Variants in DNAH11 observed in about 807,000 individuals in gnomAD.
DNAH11 encodes the protein dynein axonemal heavy chain 11.
In DNAH11, 442 loss-of-function variants were observed where a neutral mutation model predicts 526.0. The observed-to-expected ratio is 0.84, with a 90% CI of 0.78 to 0.91. DNAH11 has a LOEUF of 0.91. DNAH11 is among the 40% of genes least tolerant of loss of function. DNAH11 has a pLI of 0.00. For synonymous variants in DNAH11, 2,461 were observed against 1,935.9 expected (o/e 1.27, Z -7.12); for missense variants, 6,989 against 5,448.7 (o/e 1.28, Z -8.90).
At chr7:21,652,840 G>C (rs1218726495) in intron 28 of DNAH11, among the ~76,000 whole-genome samples, 1 of 151,962 alleles carries the variant, frequency 6.6e-6, no homozygotes, top group Non-Finnish European at 1.5e-5. Flanking sequence ...TATCAAAAGA[G>C]GGGCCTACGA....
intron 2 of DNAH11, among the ~76,000 whole-genome samples, chr7:21,546,328 T>A (rs1276674605): frequency 6.6e-6 from 1 of 152,226 alleles, no homozygotes; most frequent in Non-Finnish European, 1.5e-5. Context: ...CTTTAGCTGA[T>A]TTCAGGGAGG....
intron 1 of DNAH11, 126 bp downstream of exon 1, chr7:21,543,722 TC>T: frequency 9.6e-7 from 1 of 1,039,980 alleles, no homozygotes; most frequent in Non-Finnish European, 1.4e-6. Context: ...TGGCTTGAAG[TC>T]CCCATCCTGA....
At chr7:21,816,727 C>A (rs1472973608) in intron 64 of DNAH11, 25 bp downstream of exon 64, 1 of 1,598,296 alleles carries the variant, frequency 6.3e-7, no homozygotes, top group South Asian at 1.1e-5. Context: ...AAGAGACTGG[C>A]TTTCTGTTTA....
At chr7:21,821,134 T>C (rs1258921237) in intron 65 of DNAH11, among the ~76,000 whole-genome samples, 1 of 152,190 alleles carries the variant, frequency 6.6e-6, no homozygotes, top group East Asian at 1.9e-4. Context: ...TGTTTTCTTC[T>C]GCCTTCTGTC....
At chr7:21,612,294 G>C (rs917601699) in intron 20 of DNAH11, among the ~76,000 whole-genome samples, 1 of 152,008 alleles carries the variant, frequency 6.6e-6, no homozygotes, top group South Asian at 2.1e-4. Context: ...GGTGGCTCAC[G>C]CCTGTAATCC....
At chr7:21,596,894 C>T (rs374729974) in intron 14 of DNAH11, among the ~76,000 whole-genome samples, 7 of 152,272 alleles carry the variant, frequency 4.6e-5, no homozygotes, top group African/African-American at 1.7e-4. Context: ...TATTTGTTTC[C>T]ATAAGTTGGG....
chr7:21,763,843 C>A (rs945329177), intron 54 of DNAH11, among the ~76,000 whole-genome samples: 1 of 149,844 alleles, frequency 6.7e-6, no homozygotes, highest in Admixed American at 6.8e-5. Context: ...TATACACACA[C>A]AATGGAATAT....
intron 30 of DNAH11, among the ~76,000 whole-genome samples, chr7:21,667,337 G>A (rs1274252414): frequency 6.6e-6 from 1 of 152,056 alleles, no homozygotes; most frequent in Non-Finnish European, 1.5e-5. Context: ...GAAGAATCAG[G>A]TAGTAATTAT....
rs1782267162 is a variant in DNAH11, at chr7:21,842,808, T to G, written c.10896+60T>G. The G allele has an allele frequency of 2.1e-6, 3 of 1,397,258 alleles. No individual in the cohort carries two copies. In the Admixed American group the frequency reaches 7.1e-5, roughly 33 times the overall value. The allele number at this position is 1,397,258 out of a possible 1,614,324, so 86.6% of individuals were successfully genotyped here. A position where few individuals can be genotyped will look rare whatever the true frequency, so the allele number is the denominator to read the frequency against. On this transcript the variant is annotated intron_variant, in intron 66 of 81. Coordinates refer to ENST00000409508, the MANE Select transcript of DNAH11 (RefSeq NM_001277115.2). Reference sequence around the variant, plus strand: ...GGCATTTGCTTTGCACAAATCACAGTGCTAGACATAGAAGTATAAAATAGG... The same window carrying G: ...GGCATTTGCTTTGCACAAATCACAGGGCTAGACATAGAAGTATAAAATAGG...
chr7:21,795,436 C>A (rs1279328085), intron 61 of DNAH11, among the ~76,000 whole-genome samples: 1 of 152,218 alleles, frequency 6.6e-6, no homozygotes, highest in Admixed American at 6.5e-5. Context: ...ATTCCACACA[C>A]CCTACACATC....
intron 43 of DNAH11, 96 bp from the exon 44 acceptor site, chr7:21,720,629 T>C (rs1041682223): frequency 7.5e-7 from 1 of 1,326,888 alleles, no homozygotes; most frequent in South Asian, 1.4e-5. Context: ...AAAAACTATG[T>C]ACTCTCTTAA....
chr7:21,765,248 T>G (rs1787124195), intron 54 of DNAH11, among the ~76,000 whole-genome samples, 180 bp from the exon 55 acceptor site: 1 of 152,172 alleles, frequency 6.6e-6, no homozygotes. Flanking sequence ...AGCAGCCTCT[T>G]TGGACAGGTT....
chr7:21,819,001 A>G (rs1030505625), intron 65 of DNAH11, among the ~76,000 whole-genome samples: 5 of 152,116 alleles, frequency 3.3e-5, no homozygotes, highest in African/African-American at 9.7e-5. Flanking sequence ...CTGAGGAGTC[A>G]TCATGTCACT....
chr7:21,565,102 T>C (rs976289238), intron 6 of DNAH11, among the ~76,000 whole-genome samples: 11 of 152,302 alleles, frequency 7.2e-5, no homozygotes, highest in Non-Finnish European at 1.6e-4. Flanking sequence ...CAAAGTACTA[T>C]GGATTGGGTA....
chr7:21,851,465 G>A (rs1782635305), intron 66 of DNAH11: 1 of 453,776 alleles, frequency 2.2e-6, no homozygotes, highest in South Asian at 1.6e-5. Context: ...CACTGGCCAA[G>A]TAGTTTCCCT....
intron 32 of DNAH11, among the ~76,000 whole-genome samples, chr7:21,684,992 GT>G (rs886665103): frequency 6.6e-5 from 10 of 152,150 alleles, no homozygotes; most frequent in African/African-American, 2.4e-4. Flanking sequence ...TATAAAGCTG[GT>G]TTGCTATGGT....
chr7:21,559,663 A>G lies in DNAH11; in HGVS notation c.753A>G (p.Ser251=). Residue 251 remains serine, a synonymous_variant, in exon 4 of 82, where the codon TCA becomes TCG. Transcript: ENST00000409508. ...TTGAATCTGTGGTTATTGAATGGTC[A>G]CATCAAATCCAAGAAATTATAGAAA... The part of the protein sequence containing the change: ...HAIESVVIEW[S]HQIQEIIERD... The G allele has an allele frequency of 1.2e-6, 2 of 1,612,282 alleles. No homozygotes were observed. Among genetic ancestry groups the G allele is most frequent in the Non-Finnish European group, 1.7e-6 (2 of 1,179,206 alleles).
At chr7:21,626,187 C>T (rs189558839) in intron 25 of DNAH11, among the ~76,000 whole-genome samples, 37 of 152,218 alleles carry the variant, frequency 2.4e-4, no homozygotes, top group Middle Eastern at 3.4e-3. Context: ...AAAAAAAATT[C>T]CCACATGTGA....
Position 21,816,705 on chromosome 7 carries a change from A to G in DNAH11, c.10568+3A>G, listed in dbSNP as rs1305075625. The G allele has an allele frequency of 1.9e-6, 3 of 1,612,268 alleles. No individual in the cohort carries two copies. The highest frequency in any genetic ancestry group is 2.7e-5 in the African/African-American group (2 of 74,884). ...GTCACACATTTGGGCCAGAAAGGGT[A>G]TGTGAAGTTTGAAGAGACTGGCTTT... On this transcript the variant is annotated splice_donor_region_variant and intron_variant, in intron 64 of 81. Transcript: ENST00000409508.
Sources: gnomAD v4.1 joint callset for allele counts (sites outside exome capture counted in the v4.1 genomes callset) on GRCh38, gnomAD v4.1.1 for gene constraint, MANE v1.5 for transcripts, NCBI Gene and HGNC (gene_info 2026-07-23, HGNC 2026-07-21) for gene names.